Variants in CENPQ observed in about 807,000 individuals in gnomAD.
CENPQ encodes the protein centromere protein Q, also known as chromosome 6 open reading frame 139.
A neutral mutation model predicts 36.6 loss-of-function variants in CENPQ; 27 were observed. The ratio of observed to expected loss-of-function variants is 0.74; its 90% CI spans 0.54 to 1.02. CENPQ has a LOEUF of 1.02. Among genes scored for constraint, CENPQ ranks in the 50% least tolerant of loss-of-function variants. The pLI is 0.00. For missense variants in CENPQ, 306 were observed against 301.8 expected (o/e 1.01, Z -0.10); for synonymous variants, 101 against 101.7 (o/e 0.99, Z 0.04).
chr6:49,472,223 A>T (rs1381675073), intron 4 of CENPQ, 40 bp downstream of exon 4: 2 of 1,522,166 alleles, frequency 1.3e-6, no homozygotes, highest in Non-Finnish European at 1.8e-6. Flanking sequence ...TTTGGTTCCC[A>T]TTTAGGTGTT....
intron 5 of CENPQ, among the ~76,000 whole-genome samples, chr6:49,480,295 A>T (rs1233970990): frequency 6.6e-6 from 1 of 152,178 alleles, no homozygotes; most frequent in Non-Finnish European, 1.5e-5. Context: ...GCTATTTTGC[A>T]GTCTGCCAGA....
rs559113785 is a variant in CENPQ at position 49,468,261 on chromosome 6, G to A, written c.-18-1898G>A. Among the ~76,000 whole-genome samples, 13 of 151,956 alleles carry A rather than the reference G, an allele frequency of 8.6e-5. No homozygotes were observed. In the South Asian group the frequency reaches 2.5e-3, roughly 29 times the overall value. ...CTTTCCTGGGGTTTCAGTTCCTCTC[G>A]GTGTTGGCCTTCCTCCTATGGTGGT... On this transcript the variant is annotated intron_variant, in intron 1 of 8. Transcript: ENST00000335783.
chr6:49,474,686 C>T (rs1200654543), intron 5 of CENPQ, among the ~76,000 whole-genome samples: 1 of 151,950 alleles, frequency 6.6e-6, no homozygotes, highest in Non-Finnish European at 1.5e-5. Context: ...GAGATAGAGA[C>T]ACAAAAAACC....
intron 6 of CENPQ, among the ~76,000 whole-genome samples, chr6:49,487,714 A>G (rs1406455975): frequency 6.6e-6 from 1 of 152,158 alleles, no homozygotes; most frequent in African/African-American, 2.4e-5. Context: ...TACCCTTTAG[A>G]AACCTGGAGG....
Position 49,480,993 on chromosome 6 carries a change from G to A in CENPQ, c.390G>A (p.Lys130=). ...QCETLKVPPK[K]MEDLTNVSSL... Reference sequence around the variant, plus strand: ...AAACTCTGAAAGTCCCTCCCAAAAAGATGGAAGATTTAACTAATGTATCAA... The same window carrying A: ...AAACTCTGAAAGTCCCTCCCAAAAAAATGGAAGATTTAACTAATGTATCAA... Residue 130 remains lysine, a synonymous_variant, in exon 6 of 9, where the codon AAG becomes AAA. Coordinates refer to ENST00000335783, the MANE Select transcript of CENPQ (RefSeq NM_018132.4). The A allele has an allele frequency of 6.2e-7, 1 of 1,608,570 alleles. No individual in the cohort carries two copies.
chr6:49,470,622 CAAAAAAA>C (rs1199878940), intron 2 of CENPQ, among the ~76,000 whole-genome samples: 510 of 66,394 alleles, frequency 7.7e-3, no homozygotes, highest in African/African-American at 0.026. Context: ...GACTCCGTCT[CAAAAAAA>C]AAAAAAAAAA....
At chr6:49,481,998 T>C (rs1467593054) in intron 6 of CENPQ, among the ~76,000 whole-genome samples, 1 of 152,054 alleles carries the variant, frequency 6.6e-6, no homozygotes, top group Non-Finnish European at 1.5e-5. Context: ...CGGCGACAAA[T>C]TGAGCGCAGG....
At chr6:49,475,400 A>C (rs970889865) in intron 5 of CENPQ, among the ~76,000 whole-genome samples, 1 of 152,208 alleles carries the variant, frequency 6.6e-6, no homozygotes, top group African/African-American at 2.4e-5. Flanking sequence ...CTCTAAATAA[A>C]TTAGGTATTG....
chr6:49,471,621 C>CT (rs1346016579), intron 3 of CENPQ, among the ~76,000 whole-genome samples: 2 of 151,928 alleles, frequency 1.3e-5, no homozygotes, highest in African/African-American at 4.8e-5. Context: ...ACTATTTCTT[C>CT]TTTTTTTTAA....
chr6:49,481,222 T>C lies in CENPQ; in HGVS notation c.477+142T>C, dbSNP rs1768421118. 6 of 755,586 alleles carry C rather than the reference T, an allele frequency of 7.9e-6. 1 individual carries two copies. The Admixed American group carries it at 1.4e-4, about 18-fold the overall frequency. The allele number at this position is 755,586 out of a possible 1,614,324, so 46.8% of individuals were successfully genotyped here. The stretch of plus-strand genomic sequence containing the variant: ...TTTTTTCATTAAATTGTTTTTTTGT[T>C]GTTGTTTTCATTAAAGCAAAAATTT... On this transcript the variant is annotated intron_variant, in intron 6 of 8. Transcript: ENST00000335783.
rs1244880564 is a variant in CENPQ at position 49,471,000 on chromosome 6, A to C, written c.129A>C (p.Lys43Asn). 2 of 1,531,358 alleles carry C rather than the reference A, an allele frequency of 1.3e-6. No individual in the cohort carries two copies. The highest frequency in any genetic ancestry group is 1.8e-6 in the Non-Finnish European group (2 of 1,133,402). 94.9% of individuals were successfully genotyped at this position (1,531,358 alleles called of 1,614,324 possible). Residue 43 changes from lysine to asparagine, a missense_variant, in exon 3 of 9, where the codon AAA becomes AAC. Coordinates refer to ENST00000335783, the MANE Select transcript of CENPQ (RefSeq NM_018132.4). ...NKVRNTVKKN[K>N]NHLKDLSSEG... ...TTAGAAACACAGTGAAAAAAAATAA[A>C]AATCATCTGAAAGATCTGTCTTCTG...
At chr6:49,467,839 A>G (rs1464755864) in intron 1 of CENPQ, among the ~76,000 whole-genome samples, 1 of 152,192 alleles carries the variant, frequency 6.6e-6, no homozygotes. Flanking sequence ...GTGGCTCATG[A>G]TCTGAGAGGG....
In CENPQ at chr6:49,492,281, GT is replaced by G. The variant is rs144722464; in HGVS notation, c.*16del. ...AGAAACTGGATGCATCTTAAAGAGTGTTTTTTTTTTAGATTGTTCCATATTA... is the reference window on the plus strand; with the variant it reads ...AGAAACTGGATGCATCTTAAAGAGTGTTTTTTTTTAGATTGTTCCATATTA... On this transcript the variant is annotated 3_prime_UTR_variant, in exon 9 of 9. Transcript: ENST00000335783. 1.3e-3 allele frequency: 1,656 copies of G among 1,239,520 alleles called. No individual in the cohort carries two copies. The highest frequency in any genetic ancestry group is 3.0e-3 in the Admixed American group (117 of 38,736). 76.8% of individuals were successfully genotyped at this position (1,239,520 alleles called of 1,614,324 possible). A position where few individuals can be genotyped will look rare whatever the true frequency, so the allele number is the denominator to read the frequency against.
rs1029312865 is a variant in CENPQ at position 49,486,697 on chromosome 6, GA to G, written c.478-1654del. On this transcript the variant is annotated intron_variant, in intron 6 of 8. Coordinates refer to ENST00000335783, the MANE Select transcript of CENPQ (RefSeq NM_018132.4). ...TGTTTGATATTAAGGAATTTATTGA[GA>G]TTTTTTTAAAGTGTAGTAATGATAT... Among the ~76,000 whole-genome samples, 6 of 152,060 alleles carry G rather than the reference GA, an allele frequency of 3.9e-5. No homozygotes were observed. The South Asian group carries it at 8.3e-4, about 21-fold the overall frequency.
At chr6:49,466,218 A>G (rs1220424355) in intron 1 of CENPQ, among the ~76,000 whole-genome samples, 2 of 152,244 alleles carry the variant, frequency 1.3e-5, no homozygotes, top group East Asian at 1.9e-4. Flanking sequence ...GGCATGGTTC[A>G]TGGTGCCCTA....
intron 1 of CENPQ, among the ~76,000 whole-genome samples, chr6:49,468,804 C>T (rs1768063347): frequency 6.6e-6 from 1 of 152,170 alleles, no homozygotes; most frequent in Non-Finnish European, 1.5e-5. Flanking sequence ...TCTAAAATCT[C>T]AGCTGTTACT....
rs138354924 is a variant in CENPQ at position 49,492,253 on chromosome 6, A to G, written c.785A>G (p.Tyr262Cys). 1.1e-3 allele frequency: 1,766 copies of G among 1,598,822 alleles called. 27 individuals are homozygous for G. In the Admixed American group the frequency reaches 0.025, roughly 23 times the overall value. The change falls in exon 9 of 9, where the codon TAT becomes TGT. Residue 262 changes from tyrosine to cysteine, a missense_variant. Physicochemically the swap from Tyr to Cys is radical, Grantham distance 194. Coordinates refer to ENST00000335783, the MANE Select transcript of CENPQ (RefSeq NM_018132.4). ...ATGTCAACCTTCATTGAAGAAGCCT[A>G]TAAGAAACTGGATGCATCTTAAAGA... is the stretch of plus-strand genomic sequence containing the variant. ...KSMSTFIEEA[Y>C]KKLDAS
At chr6:49,491,403 C>T (rs1260195497) in intron 8 of CENPQ, among the ~76,000 whole-genome samples, 1 of 151,818 alleles carries the variant, frequency 6.6e-6, no homozygotes, top group Non-Finnish European at 1.5e-5. Context: ...GTACATATGT[C>T]TTTACTGATT....
At chr6:49,481,719 G>C (rs1003056071) in intron 6 of CENPQ, among the ~76,000 whole-genome samples, 2 of 152,168 alleles carry the variant, frequency 1.3e-5, no homozygotes, top group Admixed American at 6.5e-5. Flanking sequence ...TAGACACAAA[G>C]GTTCTCCACG....
Sources: gnomAD v4.1 joint callset for allele counts (sites outside exome capture counted in the v4.1 genomes callset) on GRCh38, gnomAD v4.1.1 for gene constraint, MANE v1.5 for transcripts, NCBI Gene and HGNC (gene_info 2026-07-23, HGNC 2026-07-21) for gene names.